SIK3: variants seen among roughly 807,000 people sequenced by gnomAD.
The protein encoded by SIK3 is SIK family kinase 3.
A neutral mutation model predicts 144.2 loss-of-function variants in SIK3; 28 were observed. The observed-to-expected ratio is 0.19, with a 90% CI of 0.14 to 0.27. The LOEUF is 0.27. Among genes scored for constraint, SIK3 ranks in the 10% least tolerant of loss-of-function variants. The probability of loss-of-function intolerance (pLI) is 1.00; values close to 1 mark genes in which losing one functional copy is unlikely to be tolerated. For synonymous variants in SIK3, 686 were observed against 676.3 expected, an observed-to-expected ratio of 1.01 and a Z score of -0.22; for missense variants, 1,319 against 1,776.0, an observed-to-expected ratio of 0.74 and a Z score of 4.62.
intron 1 of SIK3, among the ~76,000 whole-genome samples, chr11:116,977,048 C>A (rs1949968990): frequency 6.6e-6 from 1 of 151,850 alleles, no homozygotes; most frequent in Admixed American, 6.6e-5. Flanking sequence ...TAAAATAGGA[C>A]AATTAAAAAT....
At chr11:116,925,241 CCT>C (rs1947211254) in intron 4 of SIK3, among the ~76,000 whole-genome samples, 1 of 151,942 alleles carries the variant, frequency 6.6e-6, no homozygotes, top group Non-Finnish European at 1.5e-5. Context: ...AGAATGAGGC[CCT>C]GTCTCGAAAA....
chr11:117,076,145 G>C (rs139397669), intron 1 of SIK3, among the ~76,000 whole-genome samples: 1 of 151,946 alleles, frequency 6.6e-6, no homozygotes, highest in Admixed American at 6.6e-5. Flanking sequence ...CACTGCACCC[G>C]GCCAGTTACT....
At chr11:116,917,925 G>A (rs1416673185) in intron 4 of SIK3, among the ~76,000 whole-genome samples, 1 of 150,630 alleles carries the variant, frequency 6.6e-6, no homozygotes, top group Non-Finnish European at 1.5e-5. Context: ...TAAACCATAC[G>A]TTGCTTGAGA....
At chr11:116,971,387 A>G (rs982594608) in intron 1 of SIK3, among the ~76,000 whole-genome samples, 3 of 152,218 alleles carry the variant, frequency 2.0e-5, no homozygotes, top group Admixed American at 2.0e-4. Flanking sequence ...CGATGTTTCC[A>G]TTATCAAATT....
At position 116,957,032 on chromosome 11, in the gene SIK3, C is replaced by T. The variant is rs764274594; in HGVS notation, c.306G>A (p.Leu102=). 1 of 1,609,736 alleles carries T rather than the reference C, an allele frequency of 6.2e-7. No homozygotes were observed. Among genetic ancestry groups the T allele is most frequent in the Non-Finnish European group, 8.5e-7 (1 of 1,178,738 alleles). The part of the protein sequence containing the change: ...VAIKIIDKTQ[L]DEENLKKIFR... ...AAATCTTCTTCAAGTTTTCTTCATC[C>T]AGCTGGGTCTTATCTATGATCTTGA... The change falls in exon 2 of 25, where the codon CTG becomes CTA. Residue 102 remains leucine (L), a synonymous_variant. Coordinates refer to ENST00000445177, the MANE Select transcript of SIK3 (RefSeq NM_001366686.3).
intron 4 of SIK3, among the ~76,000 whole-genome samples, chr11:116,899,376 C>T (rs986513971): frequency 6.6e-6 from 1 of 152,042 alleles, no homozygotes; most frequent in Non-Finnish European, 1.5e-5. Flanking sequence ...TTACTGTAGC[C>T]TTGTAGTATA....
At chr11:117,059,763 T>A (rs1953712244) in intron 1 of SIK3, among the ~76,000 whole-genome samples, 1 of 152,146 alleles carries the variant, frequency 6.6e-6, no homozygotes, top group African/African-American at 2.4e-5. Context: ...ATGCTAAACA[T>A]CATATGTTAC....
rs1269716402 is a variant in SIK3, at chr11:116,985,872, A to G, written c.274-28808T>C. On this transcript the variant is annotated intron_variant, in intron 1 of 24. Coordinates refer to ENST00000445177, the MANE Select transcript of SIK3 (RefSeq NM_001366686.3). ...GGTCCTCATTTTTCCCTACATAGAAATTGAAGAATTTACTGACATGAACCT... is the reference window on the plus strand; with the variant it reads ...GGTCCTCATTTTTCCCTACATAGAAGTTGAAGAATTTACTGACATGAACCT... 7.2e-5 allele frequency among the ~76,000 whole-genome samples: 11 copies of G among 152,312 alleles called. No homozygotes were observed. In the East Asian group the frequency reaches 2.1e-3, roughly 29 times the overall value.
At chr11:117,053,046 A>G (rs917311412) in intron 1 of SIK3, among the ~76,000 whole-genome samples, 5 of 152,094 alleles carry the variant, frequency 3.3e-5, no homozygotes, top group African/African-American at 1.2e-4. Flanking sequence ...ATACACAAAA[A>G]AGTAACTGCA....
intron 1 of SIK3, among the ~76,000 whole-genome samples, chr11:116,961,207 A>G (rs1200685365): frequency 6.6e-6 from 1 of 152,180 alleles, no homozygotes; most frequent in Non-Finnish European, 1.5e-5. Context: ...CCTACCTACT[A>G]GCTAACACCT....
chr11:116,889,342 T>C (rs746620435), intron 6 of SIK3, among the ~76,000 whole-genome samples: 37 of 152,316 alleles, frequency 2.4e-4, no homozygotes, highest in Non-Finnish European at 4.4e-4. Context: ...GGTGGGAGGA[T>C]TGCTTGAGGC....
chr11:116,941,386 C>A (rs1402029722), intron 3 of SIK3, among the ~76,000 whole-genome samples: 4 of 138,668 alleles, frequency 2.9e-5, no homozygotes, highest in African/African-American at 1.1e-4. Flanking sequence ...ATAAAGGATG[C>A]TGCGGATTAA....
chr11:116,987,199 C>T (rs918202172), intron 1 of SIK3, among the ~76,000 whole-genome samples: 2 of 151,996 alleles, frequency 1.3e-5, no homozygotes, highest in Middle Eastern at 3.2e-3. Context: ...AACCTCTGCC[C>T]TAACTTCATT....
chr11:117,027,649 T>C (rs888445305), intron 1 of SIK3, among the ~76,000 whole-genome samples: 4 of 151,876 alleles, frequency 2.6e-5, no homozygotes, highest in African/African-American at 9.7e-5. Flanking sequence ...TTTTTTTTAG[T>C]AGAGATGGGG....
At chr11:116,928,995 A>G (rs541328165) in intron 3 of SIK3, among the ~76,000 whole-genome samples, 1 of 152,260 alleles carries the variant, frequency 6.6e-6, no homozygotes, top group East Asian at 1.9e-4. Flanking sequence ...TTTCCCTGGG[A>G]GGTCAGAGGT....
chr11:116,869,621 G>A (rs906965590), intron 14 of SIK3: 2 of 152,402 alleles, frequency 1.3e-5, no homozygotes, highest in African/African-American at 4.8e-5. Context: ...GCTGGATTCT[G>A]GTGAAACCCC....
chr11:116,893,385 A>C (rs7924716), intron 6 of SIK3, among the ~76,000 whole-genome samples: 9,339 of 151,950 alleles, frequency 0.061, 950 homozygotes, highest in African/African-American at 0.22. Context: ...CTAACATATA[A>C]CTCTAAAGAG....
At chr11:116,860,881 C>T (rs905881773) in intron 19 of SIK3, among the ~76,000 whole-genome samples, 2 of 152,122 alleles carry the variant, frequency 1.3e-5, no homozygotes, top group Non-Finnish European at 2.9e-5. Context: ...AAGTTTCTGG[C>T]GCTTTCCCCT....
At chr11:116,936,200 G>A (rs188056186) in intron 3 of SIK3, among the ~76,000 whole-genome samples, 2 of 152,302 alleles carry the variant, frequency 1.3e-5, no homozygotes, top group Admixed American at 1.3e-4. Flanking sequence ...GCATTTTTGA[G>A]ACAGAGACTC....
Sources: allele counts gnomAD v4.1 joint callset (sites outside exome capture counted in the v4.1 genomes callset), GRCh38; gene constraint gnomAD v4.1.1; transcripts MANE v1.5; gene names NCBI Gene and HGNC (gene_info 2026-07-23, HGNC 2026-07-21).